ST6GALNAC3: variants seen among roughly 807,000 people sequenced by gnomAD.
ST6GALNAC3 encodes the protein alpha-N-acetylgalactosaminide alpha-2,6-sialyltransferase 3.
Under a neutral mutation model 32.7 loss-of-function variants are expected in ST6GALNAC3, and 25 were observed. The ratio of observed to expected loss-of-function variants is 0.76; its 90% CI spans 0.56 to 1.07. The LOEUF (loss-of-function observed/expected upper bound fraction) is 1.07, where lower values mean the gene tolerates loss of function less well. ST6GALNAC3 is among the 50% of genes least tolerant of loss of function. ST6GALNAC3 has a pLI of 0.00. For synonymous variants in ST6GALNAC3, 129 were observed against 133.1 expected (o/e 0.97, Z 0.21); for missense variants, 355 against 382.4 (o/e 0.93, Z 0.60).
chr1:76,227,502 C>T (rs1395311049), intron 1 of ST6GALNAC3, among the ~76,000 whole-genome samples: 3 of 152,116 alleles, frequency 2.0e-5, no homozygotes, highest in Admixed American at 6.6e-5. Flanking sequence ...TGGTGCCTAG[C>T]ACAGAGACAG....
At chr1:76,397,769 T>C (rs1366692265) in intron 2 of ST6GALNAC3, among the ~76,000 whole-genome samples, 1 of 152,216 alleles carries the variant, frequency 6.6e-6, no homozygotes, top group Non-Finnish European at 1.5e-5. Context: ...AGATTTCTTC[T>C]ACTGTGGTCT....
At chr1:76,320,023 C>T (rs1570807627) in intron 2 of ST6GALNAC3, among the ~76,000 whole-genome samples, 2 of 152,282 alleles carry the variant, frequency 1.3e-5, no homozygotes, top group African/African-American at 2.4e-5. Context: ...GAAATAGCAA[C>T]TTTCAATCAA....
At chr1:76,425,355 C>A (rs1247807963) in intron 3 of ST6GALNAC3, among the ~76,000 whole-genome samples, 1 of 151,972 alleles carries the variant, frequency 6.6e-6, no homozygotes, top group Non-Finnish European at 1.5e-5. Flanking sequence ...GAGAAAACAT[C>A]CTGTTTACTA....
At chr1:76,610,838 C>T (rs925471081) in intron 3 of ST6GALNAC3, among the ~76,000 whole-genome samples, 2 of 152,016 alleles carry the variant, frequency 1.3e-5, no homozygotes, top group African/African-American at 4.8e-5. Flanking sequence ...GGATATATAC[C>T]TTCTTTCCTG....
intron 1 of ST6GALNAC3, among the ~76,000 whole-genome samples, chr1:76,271,307 G>A (rs765115416): frequency 2.0e-5 from 3 of 152,172 alleles, no homozygotes; most frequent in East Asian, 1.9e-4. Context: ...TCCGGTCTCC[G>A]TTTTGAAATG....
intron 3 of ST6GALNAC3, among the ~76,000 whole-genome samples, chr1:76,450,450 C>T (rs1296803029): frequency 6.6e-6 from 1 of 152,030 alleles, no homozygotes. Flanking sequence ...TTGAGTTCCT[C>T]GTAGATTCTG....
chr1:76,633,142 T>G lies in ST6GALNAC3; in HGVS notation c.*4336T>G, dbSNP rs1447985912. 6.6e-6 allele frequency: 1 copy of G among 152,212 alleles called. No individual in the cohort carries two copies. The highest frequency in any genetic ancestry group is 1.5e-5 in the Non-Finnish European group (1 of 68,036). 9.4% of individuals were successfully genotyped at this position (152,212 alleles called of 1,614,324 possible). On this transcript the variant is annotated 3_prime_UTR_variant, in exon 5 of 5. Transcript: ENST00000328299. The stretch of plus-strand genomic sequence containing the variant: ...AGACAGAGGTGAAGTGACTTGCCTG[T>G]AGTTATAAACTGGACTAATGGCAGT...
intron 3 of ST6GALNAC3, among the ~76,000 whole-genome samples, chr1:76,543,191 C>G (rs1664093767): frequency 6.6e-6 from 1 of 152,150 alleles, no homozygotes; most frequent in African/African-American, 2.4e-5. Flanking sequence ...TGGAGAATGA[C>G]AGTGTGGGAG....
chr1:76,291,529 G>C (rs1283256855), intron 1 of ST6GALNAC3, among the ~76,000 whole-genome samples: 2 of 152,220 alleles, frequency 1.3e-5, no homozygotes, highest in Admixed American at 6.5e-5. Flanking sequence ...TAACAGACAT[G>C]AAAGAATCAA....
At chr1:76,401,070 C>A (rs1467314579) in intron 2 of ST6GALNAC3, among the ~76,000 whole-genome samples, 1 of 152,010 alleles carries the variant, frequency 6.6e-6, no homozygotes, top group African/African-American at 2.4e-5. Context: ...AGTAATTGAG[C>A]CTTTTGAATC....
At chr1:76,343,183 C>A (rs1557805531) in intron 2 of ST6GALNAC3, among the ~76,000 whole-genome samples, 1 of 152,078 alleles carries the variant, frequency 6.6e-6, no homozygotes, top group Non-Finnish European at 1.5e-5. Context: ...ATTAGGTTTT[C>A]TTCTAGTTGT....
intron 3 of ST6GALNAC3, among the ~76,000 whole-genome samples, chr1:76,454,672 C>T (rs1324992207): frequency 6.6e-6 from 1 of 152,106 alleles, no homozygotes; most frequent in African/African-American, 2.4e-5. Flanking sequence ...GATAGGTTTT[C>T]CTTTATAGGT....
intron 1 of ST6GALNAC3, among the ~76,000 whole-genome samples, chr1:76,113,121 C>T (rs1042404231): frequency 6.6e-6 from 1 of 152,124 alleles, no homozygotes; most frequent in Non-Finnish European, 1.5e-5. Flanking sequence ...GGATCACTCG[C>T]GGTTAGGAGC....
At chr1:76,469,664 T>C (rs1658889383) in intron 3 of ST6GALNAC3, among the ~76,000 whole-genome samples, 1 of 152,234 alleles carries the variant, frequency 6.6e-6, no homozygotes, top group African/African-American at 2.4e-5. Context: ...ACCAGTCTAA[T>C]GACAGGTAAG....
intron 3 of ST6GALNAC3, among the ~76,000 whole-genome samples, chr1:76,484,505 A>G (rs1162943933): frequency 6.6e-6 from 1 of 152,200 alleles, no homozygotes; most frequent in Non-Finnish European, 1.5e-5. Context: ...GAGTTCACTC[A>G]TGATTTGGCT....
intron 3 of ST6GALNAC3, among the ~76,000 whole-genome samples, chr1:76,506,314 G>A (rs962566682): frequency 1.3e-5 from 2 of 152,178 alleles, no homozygotes; most frequent in Non-Finnish European, 2.9e-5. Context: ...AGGAATCTGG[G>A]CCTGTCTCAG....
intron 3 of ST6GALNAC3, among the ~76,000 whole-genome samples, chr1:76,556,869 T>A (rs1293854179): frequency 6.6e-6 from 1 of 152,138 alleles, no homozygotes; most frequent in African/African-American, 2.4e-5. Context: ...TGTTTTTAAT[T>A]TTGATAAATC....
intron 1 of ST6GALNAC3, among the ~76,000 whole-genome samples, chr1:76,228,034 C>T (rs1656172095): frequency 6.6e-6 from 1 of 152,178 alleles, no homozygotes; most frequent in African/African-American, 2.4e-5. Context: ...TGGAGGTAAA[C>T]ACCAATCAGC....
At chr1:76,254,230 A>C (rs902638824) in intron 1 of ST6GALNAC3, among the ~76,000 whole-genome samples, 1 of 152,112 alleles carries the variant, frequency 6.6e-6, no homozygotes, top group African/African-American at 2.4e-5. Context: ...TCTAGATCCA[A>C]GTGGATCAGG....
Sources: gnomAD v4.1 joint callset for allele counts (sites outside exome capture counted in the v4.1 genomes callset) on GRCh38, gnomAD v4.1.1 for gene constraint, MANE v1.5 for transcripts, NCBI Gene and HGNC (gene_info 2026-07-23, HGNC 2026-07-21) for gene names.